CTNNA3: variants seen among roughly 807,000 people sequenced by gnomAD.
CTNNA3 encodes the protein catenin alpha 3, also known as catenin alpha-3.
Under a neutral mutation model 95.7 loss-of-function variants are expected in CTNNA3, and 76 were observed. That is an observed-to-expected ratio of 0.79 (90% CI 0.66 to 0.96). The LOEUF (loss-of-function observed/expected upper bound fraction) is 0.96, where lower values mean the gene tolerates loss of function less well. CTNNA3 is among the 40% of genes least tolerant of loss of function. The pLI is 0.00. For synonymous variants in CTNNA3, 431 were observed against 374.4 expected (o/e 1.15, Z -1.74); for missense variants, 1,191 against 1,089.8 (o/e 1.09, Z -1.31).
At chr10:67,365,926 C>T (rs1335294737) in intron 5 of CTNNA3, among the ~76,000 whole-genome samples, 9 of 152,204 alleles carry the variant, frequency 5.9e-5, no homozygotes, top group East Asian at 3.8e-4. Flanking sequence ...TGCATGCGCA[C>T]GTATGTTTAT....
chr10:66,178,838 T>C (rs2085879797), intron 13 of CTNNA3, among the ~76,000 whole-genome samples: 1 of 151,934 alleles, frequency 6.6e-6, no homozygotes, highest in Admixed American at 6.6e-5. Flanking sequence ...AAGTTATAAA[T>C]TAAAGCCACA....
intron 9 of CTNNA3, among the ~76,000 whole-genome samples, chr10:66,656,586 T>C (rs1361213721): frequency 6.6e-6 from 1 of 152,128 alleles, no homozygotes; most frequent in Non-Finnish European, 1.5e-5. Flanking sequence ...ACTGAAAGTC[T>C]GCCTCTAGTG....
At chr10:67,004,448 G>T (rs1851859911) in intron 7 of CTNNA3, among the ~76,000 whole-genome samples, 1 of 152,188 alleles carries the variant, frequency 6.6e-6, no homozygotes, top group Non-Finnish European at 1.5e-5. Flanking sequence ...CCATGGCATG[G>T]TGTCTGATAC....
chr10:66,209,008 C>T (rs1462830), intron 13 of CTNNA3, among the ~76,000 whole-genome samples: 47,659 of 151,796 alleles, frequency 0.31, 8,088 homozygotes, highest in Admixed American at 0.39. Flanking sequence ...TAAAATATAC[C>T]ATGTATAAAT....
intron 10 of CTNNA3, among the ~76,000 whole-genome samples, chr10:66,552,028 C>T (rs1842234735): frequency 1.3e-5 from 2 of 151,428 alleles, no homozygotes; most frequent in Non-Finnish European, 1.5e-5. Context: ...CTCAGCCTTC[C>T]AAGCAGCTGG....
intron 5 of CTNNA3, among the ~76,000 whole-genome samples, chr10:67,305,968 G>A (rs1840538151): frequency 6.6e-6 from 1 of 152,168 alleles, no homozygotes; most frequent in Non-Finnish European, 1.5e-5. Flanking sequence ...GAGTAAATGA[G>A]GTCTGAAAAA....
At chr10:66,829,180 T>C (rs1249917827) in intron 7 of CTNNA3, among the ~76,000 whole-genome samples, 1 of 152,188 alleles carries the variant, frequency 6.6e-6, no homozygotes, top group Non-Finnish European at 1.5e-5. Context: ...GAAAGCAAGT[T>C]CTAAGGGCTG....
intron 11 of CTNNA3, among the ~76,000 whole-genome samples, chr10:66,490,108 T>C (rs1839872021): frequency 6.6e-6 from 1 of 152,176 alleles, no homozygotes; most frequent in African/African-American, 2.4e-5. Context: ...TCTATTCAAA[T>C]TCTAGACTAA....
chr10:66,391,111 T>G (rs1005543729), intron 11 of CTNNA3, among the ~76,000 whole-genome samples: 1 of 152,170 alleles, frequency 6.6e-6, no homozygotes, highest in Non-Finnish European at 1.5e-5. Context: ...TGTTAAACTT[T>G]AACAAAATTT....
At chr10:66,368,227 CA>C (rs1288841494) in intron 12 of CTNNA3, among the ~76,000 whole-genome samples, 2 of 152,112 alleles carry the variant, frequency 1.3e-5, no homozygotes, top group South Asian at 4.1e-4. Context: ...TTAATTTTCT[CA>C]TGAACATGAA....
At chr10:67,332,944 C>T (rs2616701) in intron 5 of CTNNA3, among the ~76,000 whole-genome samples, 3 of 151,962 alleles carry the variant, frequency 2.0e-5, no homozygotes, top group African/African-American at 7.3e-5. Flanking sequence ...TCTCTACACA[C>T]TGGATTATAT....
chr10:66,336,161 C>T (rs577214931), intron 12 of CTNNA3, among the ~76,000 whole-genome samples: 1 of 152,180 alleles, frequency 6.6e-6, no homozygotes, highest in East Asian at 1.9e-4. Flanking sequence ...ACGGAATTCC[C>T]TGACCCCTTG....
chr10:66,327,486 G>A (rs1178711003), intron 12 of CTNNA3, among the ~76,000 whole-genome samples: 1 of 151,896 alleles, frequency 6.6e-6, no homozygotes, highest in Admixed American at 6.6e-5. Flanking sequence ...AGGTGTTAAG[G>A]ACCTAAAGAA....
At chr10:66,537,873 A>T (rs189734286) in intron 10 of CTNNA3, among the ~76,000 whole-genome samples, 1 of 152,176 alleles carries the variant, frequency 6.6e-6, no homozygotes, top group East Asian at 1.9e-4. Flanking sequence ...AAGCAGAAAA[A>T]AAAAGATCTC....
intron 3 of CTNNA3, among the ~76,000 whole-genome samples, chr10:67,583,849 A>G (rs1301842470): frequency 6.6e-6 from 1 of 152,108 alleles, no homozygotes; most frequent in African/African-American, 2.4e-5. Context: ...ACTTGATTGA[A>G]TCGGCTACTG....
At chr10:67,310,943 T>A (rs566990098) in intron 5 of CTNNA3, among the ~76,000 whole-genome samples, 2 of 152,230 alleles carry the variant, frequency 1.3e-5, no homozygotes, top group Non-Finnish European at 2.9e-5. Flanking sequence ...TACTGTATTT[T>A]ATAATAAAGA....
intron 6 of CTNNA3, among the ~76,000 whole-genome samples, chr10:67,185,259 C>T (rs1329486112): frequency 1.3e-5 from 2 of 152,024 alleles, no homozygotes; most frequent in African/African-American, 4.8e-5. Flanking sequence ...TCCCAAGTAG[C>T]TGGGACTACA....
chr10:66,129,658 C>G lies in CTNNA3; in HGVS notation c.1885-26409G>C, dbSNP rs571685499. ...GCCCCAGCCTGGCCGTGCCTGCTTGCAGTGCAGCCCCCAGGTACCTGTGGG... is the reference window on the plus strand; with the variant it reads ...GCCCCAGCCTGGCCGTGCCTGCTTGGAGTGCAGCCCCCAGGTACCTGTGGG... On this transcript the variant is annotated intron_variant, in intron 13 of 17. Transcript: ENST00000433211. Among the ~76,000 whole-genome samples the G allele has an allele frequency of 2.0e-5, 3 of 152,230 alleles. No homozygotes were observed. The South Asian group carries it at 6.2e-4, about 32-fold the overall frequency.
At chr10:67,010,963 T>C (rs934617085) in intron 7 of CTNNA3, among the ~76,000 whole-genome samples, 7 of 152,090 alleles carry the variant, frequency 4.6e-5, no homozygotes, top group Non-Finnish European at 7.3e-5. Flanking sequence ...ACAACTATAA[T>C]ATAATAGAGA....
Sources: allele counts gnomAD v4.1 joint callset (sites outside exome capture counted in the v4.1 genomes callset), GRCh38; gene constraint gnomAD v4.1.1; transcripts MANE v1.5; gene names NCBI Gene and HGNC (gene_info 2026-07-23, HGNC 2026-07-21).